The following NCKAP1L variants were observed in gnomAD, a reference collection of about 807,000 sequenced individuals.
The protein encoded by NCKAP1L is NCK associated protein 1 like, also known as nck-associated protein 1-like.
In NCKAP1L, 53 loss-of-function variants were observed where a neutral mutation model predicts 139.2. The observed-to-expected ratio is 0.38, with a 90% CI of 0.31 to 0.48. The LOEUF (loss-of-function observed/expected upper bound fraction) is 0.48, where lower values mean the gene tolerates loss of function less well. Ranked by LOEUF, NCKAP1L falls within the 20% of genes least tolerant of loss-of-function variation. The pLI is 0.98. For missense variants in NCKAP1L, 1,151 were observed against 1,381.9 expected (o/e 0.83, Z 2.65); for synonymous variants, 468 against 499.7 (o/e 0.94, Z 0.85).
At chr12:54,527,963 GAA>G (rs1281133213) in intron 21 of NCKAP1L, among the ~76,000 whole-genome samples, 1 of 152,214 alleles carries the variant, frequency 6.6e-6, no homozygotes, top group Non-Finnish European at 1.5e-5. Context: ...ACAGCTGTTG[GAA>G]AAGAGCAGTG....
At chr12:54,512,141 A>G (rs1362018869) in intron 9 of NCKAP1L, 36 bp downstream of exon 9, 2 of 1,605,272 alleles carry the variant, frequency 1.2e-6, no homozygotes, top group Admixed American at 1.7e-5. Context: ...TCTTCCTTGA[A>G]TAGTTTTTAG....
At chr12:54,538,375 G>C (rs760614229) in intron 29 of NCKAP1L, among the ~76,000 whole-genome samples, 7 of 152,148 alleles carry the variant, frequency 4.6e-5, no homozygotes, top group Non-Finnish European at 1.0e-4. Context: ...AGGTCACCTG[G>C]GCCTGGGATA....
intron 3 of NCKAP1L, among the ~76,000 whole-genome samples, chr12:54,502,296 G>C (rs538742110): frequency 5.2e-4 from 79 of 152,304 alleles, no homozygotes; most frequent in African/African-American, 1.9e-3. Context: ...ACAGGTTTCA[G>C]ATTTTGGAGC....
chr12:54,515,636 A>G (rs147175959), intron 9 of NCKAP1L, among the ~76,000 whole-genome samples: 6 of 152,306 alleles, frequency 3.9e-5, no homozygotes, highest in Non-Finnish European at 8.8e-5. Flanking sequence ...GTGTGGGAAA[A>G]TAAGCAGAAT....
At chr12:54,501,769 G>T (rs1956799770) in intron 3 of NCKAP1L, among the ~76,000 whole-genome samples, 1 of 152,162 alleles carries the variant, frequency 6.6e-6, no homozygotes, top group Non-Finnish European at 1.5e-5. Flanking sequence ...GCCTCCCAAA[G>T]GCTGGACTGT....
intron 3 of NCKAP1L, among the ~76,000 whole-genome samples, chr12:54,505,253 T>A (rs1193021906): frequency 6.6e-6 from 1 of 152,236 alleles, no homozygotes; most frequent in Non-Finnish European, 1.5e-5. Flanking sequence ...CTGTCTGGTG[T>A]GTTAGGCAAG....
At chr12:54,534,585 C>T (rs145066566) in intron 26 of NCKAP1L, among the ~76,000 whole-genome samples, 4 of 151,746 alleles carry the variant, frequency 2.6e-5, no homozygotes, top group African/African-American at 9.7e-5. Flanking sequence ...AAGGGATGGA[C>T]GTAACAGATA....
In NCKAP1L at chr12:54,534,586, G is replaced by A. The variant is rs76696829; in HGVS notation, c.2863-518G>A. 1.7e-3 allele frequency among the ~76,000 whole-genome samples: 255 copies of A among 152,268 alleles called. 5 individuals carry two copies. The East Asian group carries it at 0.039, about 23-fold the overall frequency. ...AGAAGATGAGATCTAAGGGATGGACGTAACAGATATAAATAGAGGAGAGAA... is the reference window on the plus strand; with the variant it reads ...AGAAGATGAGATCTAAGGGATGGACATAACAGATATAAATAGAGGAGAGAA... On this transcript the variant is annotated intron_variant, in intron 26 of 30. Coordinates refer to ENST00000293373, the MANE Select transcript of NCKAP1L (RefSeq NM_005337.5).
chr12:54,514,423 G>A (rs1430348907), intron 9 of NCKAP1L, among the ~76,000 whole-genome samples: 1 of 151,864 alleles, frequency 6.6e-6, no homozygotes, highest in Non-Finnish European at 1.5e-5. Flanking sequence ...CCGGGTTCAA[G>A]CGCTTCTCCT....
Position 54,499,466 on chromosome 12 carries a change from G to C in NCKAP1L, c.213+1G>C. 1 of 1,520,268 alleles carries C rather than the reference G, an allele frequency of 6.6e-7. No homozygotes were observed. Among genetic ancestry groups the C allele is most frequent in the Non-Finnish European group, 9.1e-7 (1 of 1,094,654 alleles). The allele number at this position is 1,520,268 out of a possible 1,614,324, so 94.2% of individuals were successfully genotyped here. On this transcript the variant is annotated splice_donor_variant, in intron 2 of 30. Transcript: ENST00000293373. LOFTEE classifies it high-confidence loss of function. ...CAACATAGATGTCCGAAACAGCACG[G>C]TGAGAACTTGGTCCTTCTCTCCTTT...
intron 22 of NCKAP1L, among the ~76,000 whole-genome samples, chr12:54,530,271 C>T (rs1342620952): frequency 1.3e-5 from 2 of 152,216 alleles, no homozygotes; most frequent in African/African-American, 4.8e-5. Flanking sequence ...ATGGTTTTCC[C>T]TGCTGGGATG....
chr12:54,498,102 T>C (rs1023495890), intron 1 of NCKAP1L, among the ~76,000 whole-genome samples: 2 of 152,052 alleles, frequency 1.3e-5, no homozygotes, highest in African/African-American at 4.8e-5. Context: ...TTTCTAGATA[T>C]GATTCTTGCC....
chr12:54,541,757 CTG>C (rs758651325), intron 30 of NCKAP1L, among the ~76,000 whole-genome samples: 23 of 152,138 alleles, frequency 1.5e-4, no homozygotes, highest in Non-Finnish European at 3.1e-4. Flanking sequence ...GAGAACCCAT[CTG>C]TGTGAATTGC....
chr12:54,540,803 G>A (rs971754767), intron 30 of NCKAP1L, among the ~76,000 whole-genome samples: 3 of 152,212 alleles, frequency 2.0e-5, no homozygotes, highest in African/African-American at 7.2e-5. Context: ...CCCAAAATGT[G>A]GAAAGTGTTT....
intron 23 of NCKAP1L, 48 bp downstream of exon 23, chr12:54,531,405 G>C: frequency 6.2e-7 from 1 of 1,608,104 alleles, no homozygotes; most frequent in Non-Finnish European, 8.5e-7. Context: ...CTTGAGGAAA[G>C]AGGGTGGGTA....
At chr12:54,510,822 T>C (rs950436296) in intron 7 of NCKAP1L, among the ~76,000 whole-genome samples, 1 of 151,710 alleles carries the variant, frequency 6.6e-6, no homozygotes, top group African/African-American at 2.4e-5. Context: ...GCGCCCAGCC[T>C]GTTTATTTTT....
intron 3 of NCKAP1L, among the ~76,000 whole-genome samples, chr12:54,506,111 A>AT (rs1565672596): frequency 6.6e-6 from 1 of 152,210 alleles, no homozygotes; most frequent in Non-Finnish European, 1.5e-5. Flanking sequence ...TTGTGGGGAC[A>AT]TATTTTTCAT....
At chr12:54,522,592 T>C (rs974127965) in intron 18 of NCKAP1L, among the ~76,000 whole-genome samples, 8 of 152,366 alleles carry the variant, frequency 5.3e-5, no homozygotes, top group Middle Eastern at 3.4e-3. Context: ...CACATCTTTT[T>C]CCATCAAGGT....
At chr12:54,506,809 A>ATATATATG in intron 3 of NCKAP1L, among the ~76,000 whole-genome samples, 1 of 136,464 alleles carries the variant, frequency 7.3e-6, no homozygotes, top group Middle Eastern at 3.9e-3. Context: ...ATATATATAT[A>ATATATATG]TATATATATA....
Sources: allele counts gnomAD v4.1 joint callset (sites outside exome capture counted in the v4.1 genomes callset), GRCh38; gene constraint gnomAD v4.1.1; transcripts MANE v1.5; gene names NCBI Gene and HGNC (gene_info 2026-07-23, HGNC 2026-07-21).